Variants in MINPP1 observed in about 807,000 individuals in gnomAD.
MINPP1 encodes the protein multiple inositol-polyphosphate phosphatase 1.
In MINPP1, 28 loss-of-function variants were observed where a neutral mutation model predicts 46.1. That is an observed-to-expected ratio of 0.61 (90% confidence interval 0.45 to 0.83). The LOEUF (loss-of-function observed/expected upper bound fraction) is 0.83, where lower values mean the gene tolerates loss of function less well. Ranked by LOEUF, MINPP1 falls within the 40% of genes least tolerant of loss-of-function variation. MINPP1 has a pLI of 0.00. For missense variants in MINPP1, 603 were observed against 610.0 expected (o/e 0.99, Z 0.12); for synonymous variants, 268 against 249.1 (o/e 1.08, Z -0.72).
At chr10:87,515,277 C>T (rs1349114379) in intron 3 of MINPP1, among the ~76,000 whole-genome samples, 4 of 151,818 alleles carry the variant, frequency 2.6e-5, no homozygotes, top group Non-Finnish European at 4.4e-5. Flanking sequence ...ATCCCAGCTA[C>T]TCGGGAGGCT....
At chr10:87,540,284 C>T (rs1851795215) in intron 4 of MINPP1, among the ~76,000 whole-genome samples, 1 of 152,184 alleles carries the variant, frequency 6.6e-6, no homozygotes, top group Non-Finnish European at 1.5e-5. Flanking sequence ...TAAAATATAG[C>T]AATCTTTATG....
intron 4 of MINPP1, among the ~76,000 whole-genome samples, chr10:87,549,768 A>C (rs1371768938): frequency 6.6e-6 from 1 of 152,190 alleles, no homozygotes; most frequent in Non-Finnish European, 1.5e-5. Flanking sequence ...TTGTGTGCTA[A>C]TAGATTCCAT....
At chr10:87,510,607 T>C (rs575541483) in intron 2 of MINPP1, among the ~76,000 whole-genome samples, 1 of 152,306 alleles carries the variant, frequency 6.6e-6, no homozygotes, top group South Asian at 2.1e-4. Flanking sequence ...TAAGATAAAA[T>C]AGGTGAGGCC....
At chr10:87,517,979 A>ATCT (rs1851437639) in intron 3 of MINPP1, among the ~76,000 whole-genome samples, 1 of 119,364 alleles carries the variant, frequency 8.4e-6, no homozygotes, top group Non-Finnish European at 1.8e-5. Flanking sequence ...TTTTTTTTTG[A>ATCT]GACAGAGTCT....
At chr10:87,526,313 T>C (rs1282913687) in intron 4 of MINPP1, among the ~76,000 whole-genome samples, 1 of 152,240 alleles carries the variant, frequency 6.6e-6, no homozygotes, top group Admixed American at 6.5e-5. Flanking sequence ...GATGAGCATT[T>C]TTTCATGTGT....
chr10:87,547,244 T>C (rs1851900745), intron 4 of MINPP1, among the ~76,000 whole-genome samples: 1 of 152,126 alleles, frequency 6.6e-6, no homozygotes, highest in Non-Finnish European at 1.5e-5. Context: ...CTGAGTAGCT[T>C]GGACTACAGT....
At position 87,514,850 on chromosome 10, in the gene MINPP1, G is replaced by A. The variant is rs552803923; in HGVS notation, c.933+1629G>A. 2.8e-3 allele frequency among the ~76,000 whole-genome samples: 420 copies of A among 152,008 alleles called. 3 individuals are homozygous for A. Among genetic ancestry groups the A allele is most frequent in the African/African-American group, 9.8e-3 (406 of 41,478 alleles). On this transcript the variant is annotated intron_variant, in intron 3 of 4. Transcript: ENST00000371996. Reference sequence around the variant, plus strand: ...CCTGCCTCAGCCTCTCCAGTAGCTGGGATTACAGGCGTGTGCTACCATGCC... The same window carrying A: ...CCTGCCTCAGCCTCTCCAGTAGCTGAGATTACAGGCGTGTGCTACCATGCC...
intron 1 of MINPP1, among the ~76,000 whole-genome samples, chr10:87,507,648 C>T (rs752296578): frequency 6.6e-5 from 10 of 151,962 alleles, no homozygotes; most frequent in Non-Finnish European, 1.3e-4. Context: ...CTGAAAAAAA[C>T]GTAAAGGGCA....
At chr10:87,522,502 A>T (rs1172324091) in intron 4 of MINPP1, among the ~76,000 whole-genome samples, 2 of 152,118 alleles carry the variant, frequency 1.3e-5, no homozygotes, top group East Asian at 3.8e-4. Flanking sequence ...GAGTCACACA[A>T]TTTTTTTGGT....
At chr10:87,522,216 C>A (rs779399562) in intron 4 of MINPP1, among the ~76,000 whole-genome samples, 2 of 151,750 alleles carry the variant, frequency 1.3e-5, no homozygotes, top group Admixed American at 6.6e-5. Flanking sequence ...AAGAAGACTC[C>A]ATTTTTCTGA....
chr10:87,508,214 T>C (rs1362539603), intron 1 of MINPP1, 122 bp from the exon 2 acceptor site: 1 of 1,550,968 alleles, frequency 6.4e-7, no homozygotes, highest in Non-Finnish European at 8.7e-7. Flanking sequence ...TATGTGCTTA[T>C]TTCAGCTGTG....
chr10:87,529,430 C>G (rs894031633), intron 4 of MINPP1, among the ~76,000 whole-genome samples: 2 of 152,120 alleles, frequency 1.3e-5, no homozygotes, highest in Non-Finnish European at 2.9e-5. Context: ...TCAGCATTTG[C>G]TTGTCTGTAA....
At chr10:87,539,167 C>A (rs889645530) in intron 4 of MINPP1, among the ~76,000 whole-genome samples, 1 of 152,126 alleles carries the variant, frequency 6.6e-6, no homozygotes, top group African/African-American at 2.4e-5. Flanking sequence ...AGATCTCAAA[C>A]CTAAAACATT....
intron 3 of MINPP1, among the ~76,000 whole-genome samples, chr10:87,520,521 T>C (rs1025762398): frequency 6.6e-6 from 1 of 152,206 alleles, no homozygotes; most frequent in African/African-American, 2.4e-5. Context: ...AACAGATACA[T>C]GAACCAAAGT....
Position 87,535,858 on chromosome 10 carries a change from G to A in MINPP1, c.1067+14689G>A, listed in dbSNP as rs188154209. On this transcript the variant is annotated intron_variant, in intron 4 of 4. Transcript: ENST00000371996. Reference sequence around the variant, plus strand: ...GTGGGAGGATCACCTGAGCCAGGGAGCTCGAGTCTAGGGTGAGCCGTGATC... The same window carrying A: ...GTGGGAGGATCACCTGAGCCAGGGAACTCGAGTCTAGGGTGAGCCGTGATC... 2.7e-3 allele frequency among the ~76,000 whole-genome samples: 412 copies of A among 152,290 alleles called. 2 individuals carry two copies. The highest frequency in any genetic ancestry group is 4.1e-3 in the Non-Finnish European group (279 of 68,022).
At chr10:87,518,685 C>T (rs1851450144) in intron 3 of MINPP1, among the ~76,000 whole-genome samples, 1 of 152,202 alleles carries the variant, frequency 6.6e-6, no homozygotes, top group Non-Finnish European at 1.5e-5. Flanking sequence ...CTCTTCTGTT[C>T]AGCTGGCTTC....
At chr10:87,529,455 C>G (rs1021533546) in intron 4 of MINPP1, among the ~76,000 whole-genome samples, 1 of 152,074 alleles carries the variant, frequency 6.6e-6, no homozygotes, top group Non-Finnish European at 1.5e-5. Context: ...TTTTATTTCT[C>G]CTTCACTTAT....
rs760932743 is a variant in MINPP1 at position 87,505,073 on chromosome 10, A to C, written c.158A>C (p.Tyr53Ser). 6.2e-7 allele frequency: 1 copy of C among 1,613,546 alleles called. No individual in the cohort carries two copies. The change falls in exon 1 of 5, where the codon TAC (tyrosine) becomes TCC (serine). Residue 53 changes from tyrosine to serine, a missense_variant. Physicochemically the swap from Tyr to Ser is moderately radical, Grantham distance 144 (BLOSUM62 -2). Coordinates refer to ENST00000371996, the MANE Select transcript of MINPP1 (RefSeq NM_004897.5). The surrounding 1 kb of genome is among the most constrained non-coding windows in gnomAD (Gnocchi z 4.4). ...LSPYFGTKTR[Y>S]EDVNPVLLSG... ...CCCTATTTCGGCACCAAGACTCGCTACGAGGATGTCAACCCCGTGCTATTG... is the reference window on the plus strand; with the variant it reads ...CCCTATTTCGGCACCAAGACTCGCTCCGAGGATGTCAACCCCGTGCTATTG...
intron 4 of MINPP1, among the ~76,000 whole-genome samples, chr10:87,531,855 G>A (rs1365218594): frequency 6.6e-6 from 1 of 152,028 alleles, no homozygotes; most frequent in Admixed American, 6.6e-5. Context: ...TTATATATAT[G>A]AAAATATTTC....
Sources: allele counts gnomAD v4.1 joint callset (sites outside exome capture counted in the v4.1 genomes callset), GRCh38; gene constraint gnomAD v4.1.1; non-coding constraint Gnocchi (gnomAD v3.1); transcripts MANE v1.5; gene names NCBI Gene and HGNC (gene_info 2026-07-23, HGNC 2026-07-21).